Variants in SLC30A7 observed in about 807,000 individuals in gnomAD.
SLC30A7 encodes the protein solute carrier family 30 member 7, also known as zinc transporter 7.
A neutral mutation model predicts 46.0 loss-of-function variants in SLC30A7; 35 were observed. The ratio of observed to expected loss-of-function variants is 0.76; its 90% CI spans 0.58 to 1.01. SLC30A7 has a LOEUF of 1.01. Among genes scored for constraint, SLC30A7 ranks in the 50% least tolerant of loss-of-function variants. The pLI, the probability that SLC30A7 is intolerant of heterozygous loss-of-function variation, is 0.00. For missense variants in SLC30A7, 464 were observed against 451.1 expected, an observed-to-expected ratio of 1.03 and a Z score of -0.26; for synonymous variants, 147 against 157.8, an observed-to-expected ratio of 0.93 and a Z score of 0.51.
rs148482198 is a variant in SLC30A7, at chr1:100,922,466, C to G, written c.842+625C>G. ...ATTCACTATAGTTAGTGTATTAATC[C>G]TTTGACATCTGCATCTTACATTATT... On this transcript the variant is annotated intron_variant, in intron 8 of 10. Transcript: ENST00000357650. Among the ~76,000 whole-genome samples the G allele has an allele frequency of 8.1e-4, 123 of 152,230 alleles. 1 individual carries two copies. The highest frequency in any genetic ancestry group is 2.9e-3 in the African/African-American group (121 of 41,526).
chr1:100,951,763 C>A (rs1374550867), intron 8 of SLC30A7, among the ~76,000 whole-genome samples: 1 of 152,224 alleles, frequency 6.6e-6, no homozygotes, highest in East Asian at 1.9e-4. Context: ...CCTTACCCAC[C>A]TGGCTAGGGT....
At position 100,912,230 on chromosome 1, in the gene SLC30A7, A is replaced by G. The variant is rs747205788; in HGVS notation, c.503A>G (p.His168Arg). The change falls in exon 5 of 11, where the codon CAT (histidine) becomes CGT (arginine). Residue 168 changes from histidine (H) to arginine (R), a missense_variant. Transcript: ENST00000357650. ...VFKHGGHGHS[H>R]GSGHGHSHSL... ...AAACATGGAGGTCATGGACATTCTC[A>G]TGGCTCTGGTATGATGGTTAGGACA... 3.0e-5 allele frequency: 48 copies of G among 1,613,830 alleles called. No individual in the cohort carries two copies. Among genetic ancestry groups the G allele is most frequent in the Non-Finnish European group, 4.1e-5 (48 of 1,179,910 alleles).
downstream of SLC30A7, among the ~76,000 whole-genome samples, chr1:100,983,907 C>A (rs952234873): frequency 6.6e-6 from 1 of 152,156 alleles, no homozygotes; most frequent in African/African-American, 2.4e-5. Flanking sequence ...TGTCTTCCAC[C>A]CTAGACAATA....
Position 100,906,880 on chromosome 1 carries a change from A to T in SLC30A7, c.211A>T (p.Met71Leu). 6.2e-7 allele frequency: 1 copy of T among 1,613,218 alleles called. No individual in the cohort carries two copies. The highest frequency in any genetic ancestry group is 1.1e-5 in the South Asian group (1 of 91,042). The change falls in exon 3 of 11, where the codon ATG becomes TTG. Residue 71 changes from methionine to leucine, a missense_variant. Transcript: ENST00000357650. Reference sequence around the variant, plus strand: ...AGGCTTGATTTCCGACTCTTTTCACATGTTTTTCGATAGCACTGCCATTTT... The same window carrying T: ...AGGCTTGATTTCCGACTCTTTTCACTTGTTTTTCGATAGCACTGCCATTTT... ...CLGLISDSFH[M>L]FFDSTAILAG...
chr1:100,907,114 A>C (rs760836762), intron 3 of SLC30A7, 149 bp downstream of exon 3: 26 of 552,410 alleles, frequency 4.7e-5, no homozygotes, highest in Non-Finnish European at 6.4e-5. Flanking sequence ...TCGAGTTCCT[A>C]CCTCCCCAAG....
chr1:100,898,732 T>A (rs1651125410), intron 2 of SLC30A7, among the ~76,000 whole-genome samples: 2 of 152,228 alleles, frequency 1.3e-5, no homozygotes. Flanking sequence ...TTTTGTTGAC[T>A]GATCAATAAT....
chr1:100,992,722 T>C, the SLC30A7 span: 1 of 1,612,656 alleles, frequency 6.2e-7, no homozygotes, highest in East Asian at 2.2e-5. Context: ...ACCGTGGAGG[T>C]TCATAGATCT....
At chr1:100,962,521 A>G (rs1028435054) in intron 9 of SLC30A7, among the ~76,000 whole-genome samples, 10 of 152,234 alleles carry the variant, frequency 6.6e-5, no homozygotes, top group African/African-American at 2.4e-4. Context: ...TAAAAGTGCT[A>G]TGGCTGGATT....
intron 8 of SLC30A7, among the ~76,000 whole-genome samples, chr1:100,944,288 C>T (rs1654505853): frequency 1.3e-5 from 2 of 152,298 alleles, no homozygotes; most frequent in African/African-American, 4.8e-5. Flanking sequence ...AATCCACCCT[C>T]CTCAGTCTCC....
At chr1:100,936,670 G>A (rs1277267011) in intron 8 of SLC30A7, among the ~76,000 whole-genome samples, 1 of 152,098 alleles carries the variant, frequency 6.6e-6, no homozygotes, top group Admixed American at 6.5e-5. Flanking sequence ...TTGTTGTGCT[G>A]CCATCACTGC....
chr1:100,898,919 C>T (rs1570495001), intron 2 of SLC30A7, among the ~76,000 whole-genome samples: 1 of 151,854 alleles, frequency 6.6e-6, no homozygotes, highest in African/African-American at 2.4e-5. Flanking sequence ...AATTTTTTTC[C>T]TATAGAGGAC....
chr1:100,928,695 C>T (rs1333904468), intron 8 of SLC30A7, among the ~76,000 whole-genome samples: 1 of 151,662 alleles, frequency 6.6e-6, no homozygotes, highest in South Asian at 2.1e-4. Flanking sequence ...AAAATATGAT[C>T]ATGGTAGAAA....
chr1:100,991,122 A>T, the SLC30A7 span, among the ~76,000 whole-genome samples: 1 of 151,332 alleles, frequency 6.6e-6, no homozygotes, highest in Non-Finnish European at 1.5e-5. Flanking sequence ...AAAATGTAAT[A>T]CTCCCTCTTT....
chr1:100,956,494 G>T (rs992393510), intron 8 of SLC30A7, among the ~76,000 whole-genome samples: 2 of 152,072 alleles, frequency 1.3e-5, no homozygotes, highest in African/African-American at 4.8e-5. Context: ...TTTTTTCTAG[G>T]TGACTTATTA....
At chr1:100,986,444 C>G (rs1019273926), downstream of SLC30A7, among the ~76,000 whole-genome samples, 47 of 150,890 alleles carry the variant, frequency 3.1e-4, no homozygotes, top group Non-Finnish European at 3.2e-4. Flanking sequence ...ACACACCTAT[C>G]AGAATAGTTC....
At chr1:100,936,891 C>T (rs904014314) in intron 8 of SLC30A7, among the ~76,000 whole-genome samples, 1 of 152,110 alleles carries the variant, frequency 6.6e-6, no homozygotes, top group African/African-American at 2.4e-5. Flanking sequence ...ACAATAATGT[C>T]CTCAAGTTTC....
At position 100,976,102 on chromosome 1, in the gene SLC30A7, T is replaced by A. The variant is rs184266082; in HGVS notation, c.*1245T>A. On this transcript the variant is annotated 3_prime_UTR_variant, in exon 11 of 11. Transcript: ENST00000357650. ...CAAATTCATCTGTTACACAGAAAATTTTGACTTAAAACATCTGCTGAATTC... is the reference window on the plus strand; with the variant it reads ...CAAATTCATCTGTTACACAGAAAATATTGACTTAAAACATCTGCTGAATTC... The A allele has an allele frequency of 4.5e-4, 69 of 152,560 alleles. No individual in the cohort carries two copies. Among genetic ancestry groups the A allele is most frequent in the Admixed American group, 4.4e-3 (68 of 15,302 alleles). The allele number at this position is 152,560 out of a possible 1,614,324, so 9.5% of individuals were successfully genotyped here.
intron 5 of SLC30A7, among the ~76,000 whole-genome samples, chr1:100,913,125 T>C (rs1342207830): frequency 6.6e-6 from 1 of 152,236 alleles, no homozygotes; most frequent in Non-Finnish European, 1.5e-5. Flanking sequence ...GGATTCTGCA[T>C]TCTTTTGCAT....
At chr1:100,904,928 T>G (rs888035173) in intron 2 of SLC30A7, among the ~76,000 whole-genome samples, 4 of 152,136 alleles carry the variant, frequency 2.6e-5, no homozygotes, top group African/African-American at 9.7e-5. Flanking sequence ...AACTCTACTG[T>G]GTGTATGTTT....
Sources: gnomAD v4.1 joint callset for allele counts (sites outside exome capture counted in the v4.1 genomes callset) on GRCh38, gnomAD v4.1.1 for gene constraint, MANE v1.5 for transcripts, NCBI Gene and HGNC (gene_info 2026-07-23, HGNC 2026-07-21) for gene names.